TBX1: variants seen among roughly 807,000 people sequenced by gnomAD.
TBX1 encodes T-box transcription factor 1, also known as T-box transcription factor TBX1.
In TBX1, 16 loss-of-function variants were observed where a neutral mutation model predicts 40.8. The ratio of observed to expected loss-of-function variants is 0.39; its 90% confidence interval spans 0.27 to 0.60. The LOEUF is 0.60. Ranked by LOEUF, TBX1 falls within the 20% of genes least tolerant of loss-of-function variation. The pLI, the probability that TBX1 is intolerant of heterozygous loss-of-function variation, is 0.51. For missense variants in TBX1, 755 were observed against 728.5 expected (o/e 1.04, Z -0.42); for synonymous variants, 403 against 336.8 (o/e 1.20, Z -2.15).
upstream of TBX1, chr22:19,759,730 A>G: frequency 6.2e-7 from 1 of 1,600,970 alleles, no homozygotes; most frequent in Non-Finnish European, 8.5e-7. Context: ...CCCCTGCCTC[A>G]GCTGCTGTGG....
chr22:19,759,543 C>T, upstream of TBX1: 2 of 1,560,470 alleles, frequency 1.3e-6, no homozygotes, highest in South Asian at 1.2e-5. Context: ...TTCAGCATCG[C>T]CTCTCTGGTT....
upstream of TBX1, among the ~76,000 whole-genome samples, chr22:19,758,004 C>T (rs1232385848): frequency 6.6e-6 from 1 of 152,148 alleles, no homozygotes; most frequent in Non-Finnish European, 1.5e-5. Context: ...CACCACATCC[C>T]AGACAGGCAG....
intron 1 of TBX1, among the ~76,000 whole-genome samples, chr22:19,761,865 C>G (rs1406322027): frequency 6.6e-6 from 1 of 152,236 alleles, no homozygotes; most frequent in East Asian, 1.9e-4. Flanking sequence ...TGGGGCCTGG[C>G]TCTGTATCCA....
At chr22:19,763,660 G>A (rs993641641) in intron 2 of TBX1, 11 of 450,896 alleles carry the variant, frequency 2.4e-5, no homozygotes, top group Non-Finnish European at 4.5e-5. Flanking sequence ...CAGGAGGCCG[G>A]CCTGAGCGCC....
At chr22:19,779,315 G>T (rs1338326972) in exon 9 of TBX1, 1 of 1,614,142 alleles carries the variant, frequency 6.2e-7, no homozygotes, top group African/African-American at 1.3e-5. Context: ...AGGTGGCTGT[G>T]TGAACCTGGG....
chr22:19,763,589 G>C, intron 2 of TBX1: 1 of 557,848 alleles, frequency 1.8e-6, no homozygotes. Flanking sequence ...CCCTGGGCTG[G>C]TGTGGCCCTA....
downstream of TBX1, among the ~76,000 whole-genome samples, chr22:19,768,229 C>T (rs1447294715): frequency 6.6e-6 from 1 of 152,212 alleles, no homozygotes; most frequent in East Asian, 1.9e-4. Context: ...CAACTGCTGC[C>T]TTCTAGGCCA....
At chr22:19,780,780 T>TTTG (rs1937133589), downstream of TBX1, among the ~76,000 whole-genome samples, 1 of 143,390 alleles carries the variant, frequency 7.0e-6, no homozygotes, top group African/African-American at 2.6e-5. Flanking sequence ...TTTTCTGTTT[T>TTTG]TTTTTTTGTT....
At chr22:19,758,464 G>A (rs1936535187), upstream of TBX1, among the ~76,000 whole-genome samples, 1 of 152,188 alleles carries the variant, frequency 6.6e-6, no homozygotes, top group Non-Finnish European at 1.5e-5. Flanking sequence ...GCCAAGTCAG[G>A]CCTTGGCGTC....
downstream of TBX1, chr22:19,782,878 G>C (rs1018057158): frequency 8.7e-6 from 14 of 1,614,028 alleles, no homozygotes; most frequent in African/African-American, 1.3e-5. Context: ...CCTCCACCCA[G>C]TGTAGGGATC....
upstream of TBX1, among the ~76,000 whole-genome samples, chr22:19,760,353 C>T (rs1201609752): frequency 1.4e-5 from 2 of 139,232 alleles, no homozygotes; most frequent in African/African-American, 2.7e-5. Flanking sequence ...GGGGAAGAGG[C>T]GGAAAGTAAA....
Position 19,764,232 on chromosome 22 carries a change from C to T in TBX1, c.617C>T (p.Pro206Leu), listed in dbSNP as rs766608075. ...PATPGRVHYH[P>L]DSPAKGAQWM... ...ACGCCAGGCCGCGTGCACTACCACC[C>T]GGACTCGCCTGCCAAGGGCGCGCAG... Residue 206 changes from proline to leucine, a missense_variant, in exon 3 of 7, where the codon CCG (proline) becomes CTG (leucine). Coordinates refer to ENST00000649276, the MANE Select transcript of TBX1 (RefSeq NM_001379200.1). The T allele has an allele frequency of 9.9e-6, 16 of 1,613,250 alleles. No homozygotes were observed. Among genetic ancestry groups the T allele is most frequent in the Admixed American group, 5.0e-5 (3 of 60,034 alleles).
chr22:19,761,962 C>T (rs976167617), intron 1 of TBX1, among the ~76,000 whole-genome samples: 2 of 152,226 alleles, frequency 1.3e-5, no homozygotes, highest in South Asian at 4.1e-4. Context: ...CCCGATTTGA[C>T]CGGTAGACAA....
intron 8 of TBX1, among the ~76,000 whole-genome samples, chr22:19,774,570 C>A (rs1053981961): frequency 6.6e-6 from 1 of 152,124 alleles, no homozygotes; most frequent in African/African-American, 2.4e-5. Flanking sequence ...GCGAGCCGAG[C>A]GTCCACCGAT....
chr22:19,780,776 G>GTTTTT (rs564336679), downstream of TBX1, among the ~76,000 whole-genome samples: 1,407 of 118,956 alleles, frequency 0.012, 143 homozygotes, highest in African/African-American at 0.025. Context: ...CTTGTTTTCT[G>GTTTTT]TTTTTTTTTT....
At chr22:19,782,638 G>A (rs186375271), downstream of TBX1, among the ~76,000 whole-genome samples, 64 of 152,262 alleles carry the variant, frequency 4.2e-4, 2 homozygotes, top group Admixed American at 4.0e-3. Context: ...TATCACACCC[G>A]CAGGGCTGAG....
At chr22:19,773,868 C>A (rs1025497262) in intron 8 of TBX1, among the ~76,000 whole-genome samples, 25 of 152,356 alleles carry the variant, frequency 1.6e-4, no homozygotes, top group African/African-American at 5.3e-4. Flanking sequence ...CCCCTCGGCC[C>A]TCAGCCGCCG....
At chr22:19,758,600 G>C (rs981239062), upstream of TBX1, among the ~76,000 whole-genome samples, 6 of 152,142 alleles carry the variant, frequency 3.9e-5, no homozygotes, top group African/African-American at 1.2e-4. Flanking sequence ...GGCAGCATAC[G>C]ACCCAGTGGC....
intron 8 of TBX1, among the ~76,000 whole-genome samples, chr22:19,775,879 T>C (rs576383590): frequency 6.6e-6 from 1 of 152,272 alleles, no homozygotes; most frequent in East Asian, 1.9e-4. Flanking sequence ...CTGAGGGGTC[T>C]GGCTGCTGTG....
Sources: gnomAD v4.1 joint callset for allele counts (sites outside exome capture counted in the v4.1 genomes callset) on GRCh38, gnomAD v4.1.1 for gene constraint, MANE v1.5 for transcripts, NCBI Gene and HGNC (gene_info 2026-07-23, HGNC 2026-07-21) for gene names.